The following ITGA1 variants were observed in gnomAD, a reference collection of about 807,000 sequenced individuals.
ITGA1 encodes integrin alpha-1.
A neutral mutation model predicts 145.9 loss-of-function variants in ITGA1; 85 were observed. The ratio of observed to expected loss-of-function variants is 0.58; its 90% CI spans 0.49 to 0.70. ITGA1 has a LOEUF of 0.70. Ranked by LOEUF, ITGA1 falls within the 30% of genes least tolerant of loss-of-function variation. The pLI, the probability that ITGA1 is intolerant of heterozygous loss-of-function variation, is 0.00. For synonymous variants in ITGA1, 520 were observed against 495.3 expected (o/e 1.05, Z -0.66); for missense variants, 1,351 against 1,418.7 (o/e 0.95, Z 0.77).
rs773323051 is a variant in ITGA1 at position 52,920,463 on chromosome 5, A to C, written c.2287A>C (p.Met763Leu). ...AGAATGCACTAAGCACTCCTTCTAC[A>C]TGTTGGCAAGTAAATCATATATCGT... Reference protein sequence around the residue: ...KSECTKHSFYMLDKHDFQDSV... With the variant: ...KSECTKHSFYLLDKHDFQDSV... The change falls in exon 17 of 29, where the codon ATG becomes CTG. Residue 763 changes from methionine to leucine, a missense_variant. Coordinates refer to ENST00000282588, the MANE Select transcript of ITGA1 (RefSeq NM_181501.2). 5.6e-6 allele frequency: 9 copies of C among 1,595,810 alleles called. No individual in the cohort carries two copies. The East Asian group carries it at 2.0e-4, about 36-fold the overall frequency.
At chr5:52,854,904 C>T (rs1030358687) in intron 2 of ITGA1, among the ~76,000 whole-genome samples, 3 of 152,052 alleles carry the variant, frequency 2.0e-5, no homozygotes, top group Non-Finnish European at 4.4e-5. Flanking sequence ...AAATGAGTAA[C>T]GATATCCAGA....
intron 6 of ITGA1, among the ~76,000 whole-genome samples, chr5:52,870,692 A>G (rs961125847): frequency 2.6e-5 from 4 of 152,176 alleles, no homozygotes; most frequent in African/African-American, 4.8e-5. Flanking sequence ...GTTAGAATGC[A>G]TGTGTTTTCC....
chr5:52,891,831 A>T (rs9291999), intron 8 of ITGA1, among the ~76,000 whole-genome samples: 69,190 of 151,642 alleles, frequency 0.46, 16,315 homozygotes, highest in East Asian at 0.58. Flanking sequence ...GGATTTTTAA[A>T]TTTTTTTGCA....
At chr5:52,794,782 A>G (rs1380403439) in intron 1 of ITGA1, among the ~76,000 whole-genome samples, 4 of 151,914 alleles carry the variant, frequency 2.6e-5, no homozygotes, top group Non-Finnish European at 4.4e-5. Context: ...ACCTTTGCAC[A>G]ATCTGAGGTT....
At chr5:52,847,689 A>T (rs74604607) in intron 1 of ITGA1, among the ~76,000 whole-genome samples, 25,492 of 152,146 alleles carry the variant, frequency 0.17, 2,441 homozygotes, top group East Asian at 0.43. Context: ...ATTAGCTGGG[A>T]CTACAGGGGC....
intron 1 of ITGA1, chr5:52,799,985 A>AGCGCCTCACAGCTTAGT (rs1748422391): frequency 4.2e-6 from 1 of 236,410 alleles, no homozygotes; most frequent in African/African-American, 2.3e-5. Flanking sequence ...ATTCGTCCGG[A>AGCGCCTCACAGCTTAGT]GCGCCTCACA....
intron 2 of ITGA1, among the ~76,000 whole-genome samples, chr5:52,858,915 T>C (rs1028300178): frequency 1.3e-4 from 20 of 152,086 alleles, no homozygotes; most frequent in Non-Finnish European, 2.1e-4. Context: ...ATTTTATAGA[T>C]AAAAAAACTA....
intron 1 of ITGA1, chr5:52,800,493 G>A (rs1748447625): frequency 1.2e-6 from 2 of 1,613,986 alleles, no homozygotes; most frequent in Non-Finnish European, 1.7e-6. Context: ...ACAACCTCGT[G>A]CAGGTGGGCG....
At chr5:52,876,993 G>C (rs566518576) in intron 6 of ITGA1, among the ~76,000 whole-genome samples, 1 of 152,118 alleles carries the variant, frequency 6.6e-6, no homozygotes, top group Non-Finnish European at 1.5e-5. Context: ...GAAGATGGGG[G>C]TGAATGGAGA....
intron 1 of ITGA1, among the ~76,000 whole-genome samples, chr5:52,825,727 G>T (rs912513328): frequency 6.6e-6 from 1 of 152,122 alleles, no homozygotes; most frequent in East Asian, 1.9e-4. Flanking sequence ...AGACCATTCT[G>T]GTCAACATGG....
intron 1 of ITGA1, among the ~76,000 whole-genome samples, chr5:52,843,682 A>G (rs1033479805): frequency 6.6e-6 from 1 of 152,278 alleles, no homozygotes; most frequent in Non-Finnish European, 1.5e-5. Flanking sequence ...GAGACTTTTG[A>G]GGATTGTTGT....
intron 24 of ITGA1, among the ~76,000 whole-genome samples, chr5:52,939,287 A>ATAAAT (rs58960698): frequency 0.72 from 108,994 of 151,482 alleles, 39,313 homozygotes; most frequent in Middle Eastern, 0.76. Flanking sequence ...GATTAAGGTA[A>ATAAAT]TAATGAATGT....
intron 6 of ITGA1, among the ~76,000 whole-genome samples, chr5:52,881,654 G>A (rs150372940): frequency 7.9e-5 from 12 of 152,302 alleles, no homozygotes; most frequent in South Asian, 2.1e-4. Context: ...TAAACCAATC[G>A]TTTGAGAAGT....
intron 1 of ITGA1, among the ~76,000 whole-genome samples, chr5:52,808,676 C>CTTTCATTTTTTTTTT (rs1554041033): frequency 1.4e-5 from 1 of 69,336 alleles, no homozygotes; most frequent in African/African-American, 6.3e-5. Flanking sequence ...TTCTTTCTTT[C>CTTTCATTTTTTTTTT]TTTTTTTTTT....
At chr5:52,834,505 AAGAG>A (rs530621779) in intron 1 of ITGA1, among the ~76,000 whole-genome samples, 25 of 151,228 alleles carry the variant, frequency 1.7e-4, no homozygotes, top group South Asian at 1.3e-3. Context: ...AGGAAGGAAA[AAGAG>A]AGAGAAAGAA....
chr5:52,844,800 A>C (rs990736389), intron 1 of ITGA1, among the ~76,000 whole-genome samples: 1 of 152,128 alleles, frequency 6.6e-6, no homozygotes, highest in Non-Finnish European at 1.5e-5. Flanking sequence ...TGGGAGTGGA[A>C]GTGGAGGCTC....
intron 8 of ITGA1, among the ~76,000 whole-genome samples, chr5:52,891,747 C>T (rs1277914250): frequency 2.6e-5 from 4 of 151,654 alleles, no homozygotes; most frequent in Non-Finnish European, 4.4e-5. Context: ...TTATGATACA[C>T]ATTTTTTCAC....
intron 27 of ITGA1, among the ~76,000 whole-genome samples, chr5:52,946,133 A>T (rs1437013559): frequency 6.6e-6 from 1 of 152,250 alleles, no homozygotes; most frequent in African/African-American, 2.4e-5. Context: ...TGATAAAATT[A>T]CTAAAAGTGA....
chr5:52,937,617 A>G, intron 24 of ITGA1, 103 bp downstream of exon 24: 4 of 737,712 alleles, frequency 5.4e-6, no homozygotes, highest in Non-Finnish European at 7.2e-6. Context: ...AATTTTACCA[A>G]AGTAACATGG....
Sources: gnomAD v4.1 joint callset for allele counts (sites outside exome capture counted in the v4.1 genomes callset) on GRCh38, gnomAD v4.1.1 for gene constraint, MANE v1.5 for transcripts, NCBI Gene and HGNC (gene_info 2026-07-23, HGNC 2026-07-21) for gene names.